Variants in ANXA2 observed in about 807,000 individuals in gnomAD.
The protein encoded by ANXA2 is annexin A2.
In ANXA2, 28 loss-of-function variants were observed where a neutral mutation model predicts 47.3. That is an observed-to-expected ratio of 0.59 (90% CI 0.44 to 0.81). The LOEUF is 0.81. Among genes scored for constraint, ANXA2 ranks in the 40% least tolerant of loss-of-function variants. ANXA2 has a pLI of 0.00. For missense variants in ANXA2, 384 were observed against 414.3 expected, an observed-to-expected ratio of 0.93 and a Z score of 0.64; for synonymous variants, 172 against 155.5, an observed-to-expected ratio of 1.11 and a Z score of -0.79.
At chr15:60,389,966 G>A (rs147424037) in intron 1 of ANXA2, among the ~76,000 whole-genome samples, 12 of 152,250 alleles carry the variant, frequency 7.9e-5, no homozygotes, top group African/African-American at 2.9e-4. Flanking sequence ...CCCTACACGT[G>A]CCAAGTATTC....
chr15:60,389,348 T>C (rs755510302), intron 1 of ANXA2, among the ~76,000 whole-genome samples: 3 of 152,232 alleles, frequency 2.0e-5, no homozygotes, highest in African/African-American at 4.8e-5. Context: ...TTGGTTCCGA[T>C]GTTTAGAAAA....
chr15:60,363,029 C>CAAAAAAAAAAAAAAAAAAAAAAAAA (rs55992595), intron 4 of ANXA2: 4 of 74,034 alleles, frequency 5.4e-5, no homozygotes, highest in Non-Finnish European at 9.7e-5. Flanking sequence ...GACCCTGTCA[C>CAAAAAAAAAAAAAAAAAAAAAAAAA]AAAAAAAAAA....
At chr15:60,366,472 G>A (rs1473550743) in intron 3 of ANXA2, among the ~76,000 whole-genome samples, 1 of 150,732 alleles carries the variant, frequency 6.6e-6, no homozygotes, top group Non-Finnish European at 1.5e-5. Context: ...TGTCTGGGAT[G>A]TGAGGAGCGC....
intron 3 of ANXA2, among the ~76,000 whole-genome samples, chr15:60,368,284 C>T (rs1179796386): frequency 2.3e-5 from 3 of 129,810 alleles, no homozygotes; most frequent in Non-Finnish European, 3.2e-5. Flanking sequence ...TCCCCCTCTG[C>T]GAGAAACACC....
intron 1 of ANXA2, among the ~76,000 whole-genome samples, chr15:60,389,471 C>T (rs933321206): frequency 6.6e-6 from 1 of 152,340 alleles, no homozygotes; most frequent in South Asian, 2.1e-4. Flanking sequence ...CTCCCCAGTA[C>T]TGTGCAGATC....
intron 4 of ANXA2, among the ~76,000 whole-genome samples, chr15:60,363,643 T>G (rs1249702709): frequency 6.6e-6 from 1 of 152,228 alleles, no homozygotes; most frequent in Non-Finnish European, 1.5e-5. Context: ...ACTGGTTGTT[T>G]CTTAACCACT....
At chr15:60,375,934 T>G (rs72746614) in intron 3 of ANXA2, among the ~76,000 whole-genome samples, 26,366 of 152,174 alleles carry the variant, frequency 0.17, 2,978 homozygotes, top group Middle Eastern at 0.33. Flanking sequence ...AAATGGGAAC[T>G]GCGCAGATGT....
intron 3 of ANXA2, among the ~76,000 whole-genome samples, chr15:60,365,459 G>A (rs1484588251): frequency 1.3e-5 from 2 of 152,150 alleles, no homozygotes; most frequent in Non-Finnish European, 2.9e-5. Context: ...TGCCATAACT[G>A]GATAGGTAAC....
chr15:60,377,328 T>C (rs2062794384), intron 3 of ANXA2, among the ~76,000 whole-genome samples: 1 of 152,206 alleles, frequency 6.6e-6, no homozygotes, highest in South Asian at 2.1e-4. Flanking sequence ...TGTTTTTAAT[T>C]AAGTTTACTG....
chr15:60,383,856 C>T (rs151030948), intron 2 of ANXA2: 3 of 152,422 alleles, frequency 2.0e-5, no homozygotes, highest in African/African-American at 7.2e-5. Flanking sequence ...AGCACCCACG[C>T]CATTCCATTT....
chr15:60,351,402 G>A (rs1285088889), intron 10 of ANXA2, 151 bp from the exon 11 acceptor site: 3 of 747,714 alleles, frequency 4.0e-6, no homozygotes, highest in Non-Finnish European at 6.7e-6. Context: ...GGGAAATCTA[G>A]AAATCCTCTG....
intron 1 of ANXA2, among the ~76,000 whole-genome samples, chr15:60,391,837 C>T (rs2063015333): frequency 6.6e-6 from 1 of 151,866 alleles, no homozygotes; most frequent in Admixed American, 6.5e-5. Flanking sequence ...GCAGTTTGCA[C>T]CACTCTTTCC....
At chr15:60,377,282 AG>A (rs1426916786) in intron 3 of ANXA2, among the ~76,000 whole-genome samples, 6 of 152,226 alleles carry the variant, frequency 3.9e-5, no homozygotes, top group Admixed American at 2.0e-4. Flanking sequence ...AAGGAACAAA[AG>A]GGTTGTTATC....
intron 2 of ANXA2, chr15:60,384,691 A>C (rs1172394948): frequency 6.6e-6 from 1 of 152,224 alleles, no homozygotes; most frequent in Non-Finnish European, 1.5e-5. Flanking sequence ...AGAAGAAAAA[A>C]GATTTTAAAA....
Position 60,352,387 on chromosome 15 carries a change from C to T in ANXA2, c.678G>A (p.Gln226=). 3.7e-6 allele frequency: 6 copies of T among 1,612,866 alleles called. No homozygotes were observed. The highest frequency in any genetic ancestry group is 5.1e-6 in the Non-Finnish European group (6 of 1,179,010). Residue 226 remains glutamine, a synonymous_variant, in exon 9 of 13, where the codon CAG becomes CAA. Coordinates refer to ENST00000451270, the MANE Select transcript of ANXA2 (RefSeq NM_004039.3). The surrounding 1 kb of genome is among the most constrained non-coding windows in gnomAD (Gnocchi z 4.2). ...CTCCCTCAGCACAGTGCCCACCTTT[C>T]TGGAGGTGGGGCACGCTCCGCTCGG... ...IMTERSVPHL[Q]KVFDRYKSYS...
chr15:60,356,018 G>A lies in ANXA2; in HGVS notation c.449-20C>T. On this transcript the variant is annotated intron_variant, in intron 6 of 12. Coordinates refer to ENST00000451270, the MANE Select transcript of ANXA2 (RefSeq NM_004039.3). ...TGTACACTTGGAGGAAAATACATCT[G>A]GTTTTATGCTTTCTGCCTGTGTAGC... The A allele has an allele frequency of 6.3e-7, 1 of 1,584,436 alleles. No individual in the cohort carries two copies. The highest frequency in any genetic ancestry group is 1.1e-5 in the South Asian group (1 of 90,550).
intron 3 of ANXA2, among the ~76,000 whole-genome samples, chr15:60,369,462 TAATACTTCCAG>T (rs767014696): frequency 2.6e-5 from 4 of 152,236 alleles, no homozygotes; most frequent in Non-Finnish European, 5.9e-5. Context: ...ACCTCAATTC[TAATACTTCCAG>T]AAGTCAACCT....
intron 3 of ANXA2, 29 bp downstream of exon 3, chr15:60,382,313 G>C (rs992038796): frequency 5.1e-6 from 8 of 1,566,346 alleles, no homozygotes; most frequent in Non-Finnish European, 7.0e-6. Flanking sequence ...GTAAGACCCT[G>C]ACAAGAAGAG....
chr15:60,366,214 C>T lies in ANXA2; in HGVS notation c.149-1691G>A, dbSNP rs1379306380. Among the ~76,000 whole-genome samples the T allele has an allele frequency of 6.0e-5, 9 of 150,106 alleles. No homozygotes were observed. In the South Asian group the frequency reaches 1.1e-3, roughly 18 times the overall value. ...CGGCTCGCTACAACCACCTCCCAGC[C>T]GCCTGCCTTGGCCTCCCAAAGAGCC... On this transcript the variant is annotated intron_variant, in intron 3 of 12. Transcript: ENST00000451270.
Sources: gnomAD v4.1 joint callset for allele counts (sites outside exome capture counted in the v4.1 genomes callset) on GRCh38, gnomAD v4.1.1 for gene constraint, Gnocchi (gnomAD v3.1) non-coding constraint, MANE v1.5 for transcripts, NCBI Gene and HGNC (gene_info 2026-07-23, HGNC 2026-07-21) for gene names.